PDE10A: variants seen among roughly 807,000 people sequenced by gnomAD.
PDE10A encodes phosphodiesterase 10A, also known as cAMP and cAMP-inhibited cGMP 3',5'-cyclic phosphodiesterase 10A.
PDE10A carries 39 observed loss-of-function variants against 97.7 expected under a neutral mutation model. That is an observed-to-expected ratio of 0.40 (90% CI 0.31 to 0.52). The LOEUF is 0.52. PDE10A is among the 20% of genes least tolerant of loss of function. The pLI is 0.56. For synonymous variants in PDE10A, 371 were observed against 376.8 expected (o/e 0.98, Z 0.18); for missense variants, 731 against 1,047.8 (o/e 0.70, Z 4.17).
At chr6:165,504,448 C>T (rs948979698) in intron 2 of PDE10A, among the ~76,000 whole-genome samples, 2 of 152,088 alleles carry the variant, frequency 1.3e-5, no homozygotes, top group African/African-American at 4.8e-5. Flanking sequence ...ATGATCCTGG[C>T]CCAATATGCT....
intron 13 of PDE10A, among the ~76,000 whole-genome samples, chr6:165,407,394 T>C (rs1787281521): frequency 2.0e-5 from 3 of 152,248 alleles, no homozygotes; most frequent in Admixed American, 2.0e-4. Context: ...TTTTTTCTTA[T>C]AAAACGTGGA....
At chr6:165,977,669 C>A (rs574387008) in intron 1 of PDE10A, among the ~76,000 whole-genome samples, 1 of 152,230 alleles carries the variant, frequency 6.6e-6, no homozygotes, top group Admixed American at 6.5e-5. Flanking sequence ...AAATCAAACA[C>A]CTTCATTGAT....
intron 2 of PDE10A, among the ~76,000 whole-genome samples, chr6:165,514,178 T>C (rs1781662657): frequency 6.6e-6 from 1 of 152,196 alleles, no homozygotes; most frequent in Non-Finnish European, 1.5e-5. Context: ...ACATATTACA[T>C]TGGTTTGCTA....
chr6:165,385,399 T>C (rs1303709507), intron 17 of PDE10A, among the ~76,000 whole-genome samples: 2 of 152,012 alleles, frequency 1.3e-5, no homozygotes, highest in Admixed American at 6.5e-5. Context: ...CAGAATTACA[T>C]GGGTACGAGA....
Position 165,333,124 on chromosome 6 carries a change from A to T in PDE10A, c.3069T>A (p.Asp1023Glu). The change falls in exon 22 of 22, where the codon GAT becomes GAA. Residue 1023 changes from aspartate to glutamate, a missense_variant. By Grantham distance (45) the Asp-to-Glu change is conservative. Coordinates refer to ENST00000539869, the MANE Select transcript of PDE10A (RefSeq NM_001385079.1). ...TCACCTTCTCCCACTGACTGAGATTATCCCTAGGGATAAAAGATGCAGTTT... is the reference window on the plus strand; with the variant it reads ...TCACCTTCTCCCACTGACTGAGATTTTCCCTAGGGATAAAAGATGCAGTTT... ...PTEPLLKACR[D>E]NLSQWEKVIR... 1 of 1,569,256 alleles carries T rather than the reference A, an allele frequency of 6.4e-7. No homozygotes were observed. The highest frequency in any genetic ancestry group is 1.3e-5 in the African/African-American group (1 of 74,130).
intron 18 of PDE10A, among the ~76,000 whole-genome samples, chr6:165,349,219 G>A (rs1161936843): frequency 6.6e-6 from 1 of 152,202 alleles, no homozygotes; most frequent in African/African-American, 2.4e-5. Flanking sequence ...AAGACAGGAA[G>A]AAGTGGGAAG....
intron 1 of PDE10A, among the ~76,000 whole-genome samples, chr6:165,834,295 C>T (rs1156705176): frequency 6.6e-6 from 1 of 152,212 alleles, no homozygotes; most frequent in Non-Finnish European, 1.5e-5. Flanking sequence ...ATTGCCAGGA[C>T]TGGAAGCCAC....
chr6:165,427,614 G>A (rs1459507946), intron 10 of PDE10A, among the ~76,000 whole-genome samples: 4 of 152,120 alleles, frequency 2.6e-5, no homozygotes, highest in Non-Finnish European at 4.4e-5. Context: ...CCACTGAATC[G>A]CACACTTTAA....
At chr6:165,826,790 CA>C (rs1487484213) in intron 1 of PDE10A, among the ~76,000 whole-genome samples, 13 of 120,618 alleles carry the variant, frequency 1.1e-4, no homozygotes, top group South Asian at 2.6e-4. Flanking sequence ...GGGGGACGCA[CA>C]GGGGGAGGCT....
intron 2 of PDE10A, among the ~76,000 whole-genome samples, chr6:165,537,258 A>ATT (rs1783145176): frequency 6.6e-6 from 1 of 152,050 alleles, no homozygotes; most frequent in Non-Finnish European, 1.5e-5. Flanking sequence ...AAGAGAGTAG[A>ATT]TTGGTAGTTA....
In PDE10A at chr6:165,638,853, C is replaced by T. The variant is rs184640259; in HGVS notation, c.865+23094G>A. Among the ~76,000 whole-genome samples the T allele has an allele frequency of 5.2e-3, 792 of 152,242 alleles. 3 individuals carry two copies. Among genetic ancestry groups the T allele is most frequent in the Non-Finnish European group, 9.4e-3 (640 of 68,020 alleles). ...AGGGAAAACTAGAGTCTTTAAGAACCTAGAACACACAATTACCACTCAAAC... is the reference window on the plus strand; with the variant it reads ...AGGGAAAACTAGAGTCTTTAAGAACTTAGAACACACAATTACCACTCAAAC... On this transcript the variant is annotated intron_variant, in intron 1 of 21. Transcript: ENST00000539869.
At chr6:165,455,937 T>C (rs1777928762) in intron 3 of PDE10A, among the ~76,000 whole-genome samples, 1 of 152,232 alleles carries the variant, frequency 6.6e-6, no homozygotes, top group Non-Finnish European at 1.5e-5. Context: ...ATTTACATAA[T>C]TACAGAATTT....
chr6:165,702,521 A>G (rs1179078985), intron 1 of PDE10A, among the ~76,000 whole-genome samples: 1 of 152,228 alleles, frequency 6.6e-6, no homozygotes, highest in East Asian at 1.9e-4. Flanking sequence ...CCCCACAAAG[A>G]AGAAGGAACG....
chr6:165,946,602 T>A (rs192528523), intron 1 of PDE10A, among the ~76,000 whole-genome samples: 3 of 152,316 alleles, frequency 2.0e-5, no homozygotes, highest in East Asian at 3.9e-4. Context: ...ATGACAACTC[T>A]GTGCAGTTAT....
chr6:165,652,730 T>G (rs564811547), intron 1 of PDE10A, among the ~76,000 whole-genome samples: 2 of 152,344 alleles, frequency 1.3e-5, no homozygotes, highest in East Asian at 3.9e-4. Context: ...TACACAGTAC[T>G]TACCAACTTT....
intron 13 of PDE10A, among the ~76,000 whole-genome samples, chr6:165,407,509 C>G (rs988072750): frequency 2.0e-5 from 3 of 152,092 alleles, no homozygotes; most frequent in African/African-American, 7.2e-5. Context: ...AGCCTTATAT[C>G]AAATAAGAGT....
intron 1 of PDE10A, among the ~76,000 whole-genome samples, chr6:165,555,463 G>A (rs1004535502): frequency 2.6e-5 from 4 of 152,144 alleles, no homozygotes; most frequent in Admixed American, 1.3e-4. Context: ...ACTTGTGACA[G>A]TTAATTCAGT....
In PDE10A at chr6:165,705,654, T is replaced by C. The variant is rs369716165; in HGVS notation, c.-614-162086A>G. On this transcript the variant is annotated intron_variant, in intron 1 of 19. Transcript: ENST00000366882. ...CAGCTGGAAAATTATTCATACTACA[T>C]AGCTTTTGGTTATAATTCTTTTGAT... 2.0e-5 allele frequency among the ~76,000 whole-genome samples: 3 copies of C among 152,232 alleles called. No individual in the cohort carries two copies. In the South Asian group the frequency reaches 6.2e-4, roughly 32 times the overall value.
intron 1 of PDE10A, among the ~76,000 whole-genome samples, chr6:165,804,959 T>G (rs1451546529): frequency 5.7e-4 from 29 of 51,114 alleles, no homozygotes; most frequent in South Asian, 6.6e-4. Context: ...TGGAGAGACG[T>G]GGGGGCGCAC....
Sources: allele counts gnomAD v4.1 joint callset (sites outside exome capture counted in the v4.1 genomes callset), GRCh38; gene constraint gnomAD v4.1.1; transcripts MANE v1.5; gene names NCBI Gene and HGNC (gene_info 2026-07-23, HGNC 2026-07-21).